The following MAEL variants were observed in gnomAD, a reference collection of about 807,000 sequenced individuals.
MAEL encodes protein maelstrom homolog.
Under a neutral mutation model 62.0 loss-of-function variants are expected in MAEL, and 46 were observed. The observed-to-expected ratio is 0.74, with a 90% confidence interval of 0.59 to 0.95. The LOEUF (loss-of-function observed/expected upper bound fraction) is 0.95, where lower values mean the gene tolerates loss of function less well. MAEL is among the 40% of genes least tolerant of loss of function. MAEL has a pLI of 0.00. For missense variants in MAEL, 497 were observed against 526.8 expected (o/e 0.94, Z 0.55); for synonymous variants, 172 against 175.5 (o/e 0.98, Z 0.16).
At chr1:167,010,462 T>C in intron 8 of MAEL, among the ~76,000 whole-genome samples, 1 of 152,106 alleles carries the variant, frequency 6.6e-6, no homozygotes, top group Non-Finnish European at 1.5e-5. Context: ...TTTTCTTTTT[T>C]TTAAAGAGAG....
At chr1:167,020,194 C>T (rs1355387563) in intron 10 of MAEL, among the ~76,000 whole-genome samples, 1 of 152,176 alleles carries the variant, frequency 6.6e-6, no homozygotes, top group African/African-American at 2.4e-5. Flanking sequence ...AGACTCATGT[C>T]TCCTCCTTTA....
chr1:166,992,968 C>T lies in MAEL; in HGVS notation c.481+127C>T, dbSNP rs972804025. 4.0e-6 allele frequency: 3 copies of T among 750,528 alleles called. No individual in the cohort carries two copies. In the African/African-American group the frequency reaches 5.5e-5, roughly 14 times the overall value. 46.5% of individuals were successfully genotyped at this position (750,528 alleles called of 1,614,324 possible). On this transcript the variant is annotated intron_variant, in intron 4 of 11. Coordinates refer to ENST00000367872, the MANE Select transcript of MAEL (RefSeq NM_032858.3). The stretch of plus-strand genomic sequence containing the variant: ...CAGCTGTGTTCTTAATGTAACAAGA[C>T]TTCATAATGCTTATTGAAAAACTGT...
At chr1:166,993,989 T>A (rs12029891) in intron 4 of MAEL, 39 bp from the exon 5 acceptor site, 1 of 1,583,954 alleles carries the variant, frequency 6.3e-7, no homozygotes. Flanking sequence ...TAGAGAACTT[T>A]AAAATTTTTG....
intron 10 of MAEL, 69 bp downstream of exon 10, chr1:167,018,028 G>A: frequency 1.4e-6 from 2 of 1,459,672 alleles, no homozygotes; most frequent in Non-Finnish European, 1.9e-6. Flanking sequence ...CTGGCCAACA[G>A]AAACAAAAGA....
At chr1:167,002,533 C>T (rs1664714739) in intron 5 of MAEL, among the ~76,000 whole-genome samples, 1 of 152,126 alleles carries the variant, frequency 6.6e-6, no homozygotes, top group Non-Finnish European at 1.5e-5. Context: ...CTTGTTATTT[C>T]TCTCCAAAGA....
At chr1:167,016,163 T>C in intron 8 of MAEL, 59 bp from the exon 9 acceptor site, 1 of 1,432,178 alleles carries the variant, frequency 7.0e-7, no homozygotes, top group Non-Finnish European at 9.9e-7. Flanking sequence ...ATCTGGCATA[T>C]AAAAACCTTT....
Position 167,020,979 on chromosome 1 carries a change from G to A in MAEL, c.1042-106G>A, listed in dbSNP as rs1001549241. 2.2e-5 allele frequency: 18 copies of A among 823,764 alleles called. No individual in the cohort carries two copies. The African/African-American group carries it at 2.8e-4, about 13-fold the overall frequency. 51.0% of individuals were successfully genotyped at this position (823,764 alleles called of 1,614,324 possible). ...GATAAGACATTGGAAAAGTATTTGA[G>A]TGTTAGTTTGCATTTTTAAAGAGTA... On this transcript the variant is annotated intron_variant, in intron 10 of 11. Coordinates refer to ENST00000367872, the MANE Select transcript of MAEL (RefSeq NM_032858.3).
chr1:166,979,876 A>G (rs886793860), intron 1 of MAEL, among the ~76,000 whole-genome samples: 1 of 152,228 alleles, frequency 6.6e-6, no homozygotes, highest in Non-Finnish European at 1.5e-5. Flanking sequence ...TAATGTGCAG[A>G]AAAAAAGAAC....
upstream of MAEL, among the ~76,000 whole-genome samples, chr1:166,987,068 T>C (rs1663942779): frequency 6.6e-6 from 1 of 152,020 alleles, no homozygotes; most frequent in South Asian, 2.1e-4. Flanking sequence ...AACACACCTA[T>C]TTTAAGTCCA....
At chr1:166,993,779 T>G (rs184179104) in intron 4 of MAEL, among the ~76,000 whole-genome samples, 160 of 152,346 alleles carry the variant, frequency 1.1e-3, no homozygotes, top group African/African-American at 3.6e-3. Flanking sequence ...ACACATGCTT[T>G]CTTTATCTAG....
intron 8 of MAEL, among the ~76,000 whole-genome samples, chr1:167,014,937 T>A (rs903161748): frequency 6.6e-6 from 1 of 152,162 alleles, no homozygotes; most frequent in African/African-American, 2.4e-5. Flanking sequence ...GCACGAGTTA[T>A]CATTTGAACC....
chr1:167,014,772 C>A (rs1018141959), intron 8 of MAEL, among the ~76,000 whole-genome samples: 2 of 152,118 alleles, frequency 1.3e-5, no homozygotes, highest in Admixed American at 1.3e-4. Flanking sequence ...CCTGTAATCC[C>A]AGCACTATGG....
At chr1:166,993,936 C>A in intron 4 of MAEL, 92 bp from the exon 5 acceptor site, 1 of 874,178 alleles carries the variant, frequency 1.1e-6, no homozygotes, top group Non-Finnish European at 1.8e-6. Context: ...AATTACCTTT[C>A]TGTGTGATAA....
At chr1:166,995,191 C>CT (rs1444823601) in intron 5 of MAEL, among the ~76,000 whole-genome samples, 8 of 151,818 alleles carry the variant, frequency 5.3e-5, no homozygotes, top group Non-Finnish European at 1.2e-4. Context: ...GGAATCAGGG[C>CT]TGTAGGCTAT....
intron 1 of MAEL, among the ~76,000 whole-genome samples, chr1:166,976,043 AG>A (rs1663569546): frequency 6.6e-6 from 1 of 152,212 alleles, no homozygotes; most frequent in Non-Finnish European, 1.5e-5. Flanking sequence ...GAACCAGGCA[AG>A]AGGCTCCGCA....
intron 5 of MAEL, among the ~76,000 whole-genome samples, chr1:166,999,258 A>G (rs2102085374): frequency 6.6e-6 from 1 of 152,378 alleles, no homozygotes; most frequent in South Asian, 2.1e-4. Context: ...CAAGTTGTGA[A>G]TGCAAAGGGA....
At chr1:166,992,981 A>T in intron 4 of MAEL, 140 bp downstream of exon 4, 2 of 715,728 alleles carry the variant, frequency 2.8e-6, no homozygotes, top group Non-Finnish European at 4.1e-6. Context: ...CATAATGCTT[A>T]TTGAAAAACT....
chr1:166,976,903 A>G (rs766168699), intron 1 of MAEL, among the ~76,000 whole-genome samples: 1 of 152,212 alleles, frequency 6.6e-6, no homozygotes, highest in Non-Finnish European at 1.5e-5. Flanking sequence ...CAGAAGCCAG[A>G]AAGTCTAGAG....
At chr1:166,994,128 C>A in intron 5 of MAEL, 59 bp downstream of exon 5, 1 of 1,417,040 alleles carries the variant, frequency 7.1e-7, no homozygotes, top group Non-Finnish European at 9.8e-7. Flanking sequence ...CCTGGTTAGA[C>A]TTATTCCTTT....
Sources: gnomAD v4.1 joint callset for allele counts (sites outside exome capture counted in the v4.1 genomes callset) on GRCh38, gnomAD v4.1.1 for gene constraint, MANE v1.5 for transcripts, NCBI Gene and HGNC (gene_info 2026-07-23, HGNC 2026-07-21) for gene names.